The following RFTN1 variants were observed in gnomAD, a reference collection of about 807,000 sequenced individuals.
RFTN1 encodes the protein raftlin.
A neutral mutation model predicts 46.5 loss-of-function variants in RFTN1; 26 were observed. That is an observed-to-expected ratio of 0.56 (90% CI 0.41 to 0.78). The LOEUF (loss-of-function observed/expected upper bound fraction) is 0.78. RFTN1 is among the 30% of genes least tolerant of loss of function. The pLI is 0.00. For synonymous variants in RFTN1, 261 were observed against 284.2 expected, an observed-to-expected ratio of 0.92 and a Z score of 0.82; for missense variants, 693 against 718.7, an observed-to-expected ratio of 0.96 and a Z score of 0.41.
Position 16,387,156 on chromosome 3 carries a change from T to C in RFTN1, c.442-9054A>G, listed in dbSNP as rs2074207085. On this transcript the variant is annotated intron_variant, in intron 4 of 9. Transcript: ENST00000334133. This position sits in a 1 kb window ranked among gnomAD's most constrained non-coding sequence, Gnocchi z 5.2. ...TGCTTCCATCACTCTCCTCCTATTATATCCTTGGCTTTCTCTGTCTGACAC... is the reference window on the plus strand; with the variant it reads ...TGCTTCCATCACTCTCCTCCTATTACATCCTTGGCTTTCTCTGTCTGACAC... Among the ~76,000 whole-genome samples, 1 of 152,176 alleles carries C rather than the reference T, an allele frequency of 6.6e-6. No individual in the cohort carries two copies.
intron 7 of RFTN1, among the ~76,000 whole-genome samples, chr3:16,354,742 G>T (rs1454142831): frequency 6.6e-6 from 1 of 152,182 alleles, no homozygotes; most frequent in Non-Finnish European, 1.5e-5. Flanking sequence ...TTTAAGCTCT[G>T]CTTCCCTTTT....
chr3:16,510,035 A>G (rs757680950), intron 1 of RFTN1, among the ~76,000 whole-genome samples: 2 of 152,190 alleles, frequency 1.3e-5, no homozygotes, highest in African/African-American at 2.4e-5. Flanking sequence ...GGCTGTTGGC[A>G]CCACAGAGAG....
At chr3:16,332,179 C>T (rs2070386025) in intron 7 of RFTN1, among the ~76,000 whole-genome samples, 2 of 151,778 alleles carry the variant, frequency 1.3e-5, no homozygotes, top group African/African-American at 2.4e-5. Flanking sequence ...TGTATTTTTC[C>T]CCCCTTTGAT....
chr3:16,357,957 A>G lies in RFTN1; in HGVS notation c.1121T>C (p.Val374Ala). 1 of 1,612,702 alleles carries G rather than the reference A, an allele frequency of 6.2e-7. No homozygotes were observed. The highest frequency in any genetic ancestry group is 8.5e-7 in the Non-Finnish European group (1 of 1,178,958). The change falls in exon 7 of 10, where the codon GTG becomes GCG. Residue 374 changes from valine to alanine, a missense_variant. By Grantham distance (64) the Val-to-Ala change is moderately conservative (BLOSUM62 0). Transcript: ENST00000334133. ...SKTIQGYDAI[V>A]VEQWTVLEGV... ...TTCCAGGACTGTCCATTGTTCAACC[A>G]CAATAGCATCATAGCCCTGTATGGT...
intron 1 of RFTN1, among the ~76,000 whole-genome samples, chr3:16,511,308 A>C (rs1284821213): frequency 2.0e-5 from 3 of 152,248 alleles, no homozygotes; most frequent in African/African-American, 7.2e-5. Context: ...CCATAAGCAC[A>C]TATTGAAGTC....
intron 5 of RFTN1, among the ~76,000 whole-genome samples, chr3:16,373,833 T>C (rs1387249372): frequency 2.6e-5 from 4 of 151,996 alleles, no homozygotes; most frequent in Non-Finnish European, 5.9e-5. Flanking sequence ...AGCAGAAAGG[T>C]TTGCATTGGG....
At position 16,440,548 on chromosome 3, in the gene RFTN1, G is replaced by A. The variant is rs560728786; in HGVS notation, c.146-6511C>T. ...GTCTCATCTCCTTACTGGACAGAGG[G>A]CTTGGTGCAGATCCCAAAGCCATTA... On this transcript the variant is annotated intron_variant, in intron 2 of 9. Coordinates refer to ENST00000334133, the MANE Select transcript of RFTN1 (RefSeq NM_015150.2). This position sits in a 1 kb window ranked among gnomAD's most constrained non-coding sequence, Gnocchi z 4.6. Among the ~76,000 whole-genome samples the A allele has an allele frequency of 1.3e-5, 2 of 152,210 alleles. No homozygotes were observed. Among genetic ancestry groups the A allele is most frequent in the African/African-American group, 4.8e-5 (2 of 41,508 alleles).
rs926292408 is a variant in RFTN1 at position 16,458,106 on chromosome 3, C to A, written c.146-24069G>T. Among the ~76,000 whole-genome samples, 2 of 152,134 alleles carry A rather than the reference C, an allele frequency of 1.3e-5. No homozygotes were observed. The highest frequency in any genetic ancestry group is 4.8e-5 in the African/African-American group (2 of 41,424). On this transcript the variant is annotated intron_variant, in intron 2 of 9. Coordinates refer to ENST00000334133, the MANE Select transcript of RFTN1 (RefSeq NM_015150.2). The surrounding 1 kb of genome is among the most constrained non-coding windows in gnomAD (Gnocchi z 5.1). ...TCCAGAACTGTGAGCAAAAAAAAAT[C>A]TTTGTTCTTTATAAACTACCCAGTC...
At position 16,460,081 on chromosome 3, in the gene RFTN1, A is replaced by C. The variant is rs1477033718; in HGVS notation, c.146-26044T>G. On this transcript the variant is annotated intron_variant, in intron 2 of 9. Coordinates refer to ENST00000334133, the MANE Select transcript of RFTN1 (RefSeq NM_015150.2). This position sits in a 1 kb window ranked among gnomAD's most constrained non-coding sequence, Gnocchi z 4.8. ...ATTTTAGAGTTGATTCAGAAATTAC[A>C]ATGTGAATATTATATAAAATCAGAT... Among the ~76,000 whole-genome samples, 1 of 152,208 alleles carries C rather than the reference A, an allele frequency of 6.6e-6. No homozygotes were observed. Among genetic ancestry groups the C allele is most frequent in the Non-Finnish European group, 1.5e-5 (1 of 68,040 alleles).
In RFTN1 at chr3:16,346,089, C is replaced by G. The variant is rs1299758312; in HGVS notation, c.1146+11843G>C. 6.6e-6 allele frequency: 1 copy of G among 152,096 alleles called. No individual in the cohort carries two copies. The highest frequency in any genetic ancestry group is 1.5e-5 in the Non-Finnish European group (1 of 68,014). 9.4% of individuals were successfully genotyped at this position (152,096 alleles called of 1,614,324 possible). On this transcript the variant is annotated intron_variant, in intron 7 of 9. Transcript: ENST00000334133. The surrounding 1 kb of genome is among the most constrained non-coding windows in gnomAD (Gnocchi z 4.4). Reference sequence around the variant, plus strand: ...TCCCCTCGTCAGATTGAAAAGGTTCCTATGATTTAGGGTCTTCCAGCACCC... The same window carrying G: ...TCCCCTCGTCAGATTGAAAAGGTTCGTATGATTTAGGGTCTTCCAGCACCC...
rs569023895 is a variant in RFTN1, at chr3:16,397,984, C to T, written c.441+11391G>A. Among the ~76,000 whole-genome samples the T allele has an allele frequency of 1.2e-4, 19 of 152,248 alleles. No individual in the cohort carries two copies. In the South Asian group the frequency reaches 1.7e-3, roughly 13 times the overall value. On this transcript the variant is annotated intron_variant, in intron 4 of 9. Coordinates refer to ENST00000334133, the MANE Select transcript of RFTN1 (RefSeq NM_015150.2). ...ATCATGGGCCGGGCGCGGTGGCTCA[C>T]GCCTATAATCCCAGCACTTTGGGAG...
rs759829157 is a variant in RFTN1 at position 16,426,876 on chromosome 3, A to G, written c.332+6975T>C. 1.3e-5 allele frequency among the ~76,000 whole-genome samples: 2 copies of G among 152,226 alleles called. No homozygotes were observed. Among genetic ancestry groups the G allele is most frequent in the African/African-American group, 2.4e-5 (1 of 41,450 alleles). On this transcript the variant is annotated intron_variant, in intron 3 of 9. Transcript: ENST00000334133. The surrounding 1 kb of genome is among the most constrained non-coding windows in gnomAD (Gnocchi z 5.9). ...ATCCCACTCAATTCATGCAAAATCT[A>G]TTGAGCAATATCTATTCAAGGCCTG...
intron 7 of RFTN1, 45 bp downstream of exon 7, chr3:16,357,887 G>A: frequency 8.3e-7 from 1 of 1,198,146 alleles, no homozygotes; most frequent in Non-Finnish European, 1.2e-6. Context: ...GATAAAACAA[G>A]TGCTGTCTAA....
Position 16,459,036 on chromosome 3 carries a change from G to T in RFTN1, c.146-24999C>A, listed in dbSNP as rs1182366887. On this transcript the variant is annotated intron_variant, in intron 2 of 9. Transcript: ENST00000334133. This position sits in a 1 kb window ranked among gnomAD's most constrained non-coding sequence, Gnocchi z 4.2. ...TGCAGCCTCGACCTCCCAGACTCAG[G>T]TGATTCTCCCACCTCAGCCTCCCGA... 6.6e-6 allele frequency among the ~76,000 whole-genome samples: 1 copy of T among 152,146 alleles called. No individual in the cohort carries two copies. Among genetic ancestry groups the T allele is most frequent in the Non-Finnish European group, 1.5e-5 (1 of 68,024 alleles).
rs1007819166 is a variant in RFTN1, at chr3:16,400,062, A to G, written c.441+9313T>C. Among the ~76,000 whole-genome samples the G allele has an allele frequency of 3.3e-5, 5 of 152,190 alleles. No homozygotes were observed. The highest frequency in any genetic ancestry group is 7.3e-5 in the Non-Finnish European group (5 of 68,030). On this transcript the variant is annotated intron_variant, in intron 4 of 9. Transcript: ENST00000334133. The surrounding 1 kb of genome is among the most constrained non-coding windows in gnomAD (Gnocchi z 4.5). ...TCTGATCTTTCCAAAGTATACATTT[A>G]GGAATCATTCTCCAGCTGCTCCTGA...
chr3:16,513,093 C>G lies in RFTN1; in HGVS notation c.-9+349G>C, dbSNP rs1187809790. On this transcript the variant is annotated intron_variant, in intron 1 of 9. Transcript: ENST00000334133. This position sits in a 1 kb window ranked among gnomAD's most constrained non-coding sequence, Gnocchi z 5.4. ...CACCTGTAGCCTCCAAGCTCCCCCACCTCTGCGTCCTTCCTAGGCGCTTCT... is the reference window on the plus strand; with the variant it reads ...CACCTGTAGCCTCCAAGCTCCCCCAGCTCTGCGTCCTTCCTAGGCGCTTCT... 1 of 152,758 alleles carries G rather than the reference C, an allele frequency of 6.5e-6. No homozygotes were observed. The highest frequency in any genetic ancestry group is 2.4e-5 in the African/African-American group (1 of 41,456). 9.5% of individuals were successfully genotyped at this position (152,758 alleles called of 1,614,324 possible).
chr3:16,417,009 C>CTT (rs72060599), intron 3 of RFTN1, among the ~76,000 whole-genome samples: 2 of 121,292 alleles, frequency 1.6e-5, no homozygotes, highest in Admixed American at 8.2e-5. Context: ...TTTTCTTTTT[C>CTT]TTTTTTTTTT....
At chr3:16,357,140 AC>A (rs1575112153) in intron 7 of RFTN1, among the ~76,000 whole-genome samples, 5 of 149,114 alleles carry the variant, frequency 3.4e-5, no homozygotes, top group Admixed American at 3.3e-4. Flanking sequence ...AAAAAAACAA[AC>A]AAACAAACAA....
chr3:16,414,326 G>T (rs1045746611), intron 3 of RFTN1, among the ~76,000 whole-genome samples: 1 of 151,688 alleles, frequency 6.6e-6, no homozygotes, highest in African/African-American at 2.4e-5. Flanking sequence ...AAAGAAAAGG[G>T]CTGGGCACAG....
Sources: gnomAD v4.1 joint callset for allele counts (sites outside exome capture counted in the v4.1 genomes callset) on GRCh38, gnomAD v4.1.1 for gene constraint, Gnocchi (gnomAD v3.1) non-coding constraint, MANE v1.5 for transcripts, NCBI Gene and HGNC (gene_info 2026-07-23, HGNC 2026-07-21) for gene names.